Variants in CPZ observed in about 807,000 individuals in gnomAD.
CPZ encodes the protein carboxypeptidase Z.
CPZ carries 103 observed loss-of-function variants against 61.8 expected under a neutral mutation model. The ratio of observed to expected loss-of-function variants is 1.67; its 90% CI spans 1.42 to 1.96. The LOEUF is 1.96. Ranked by LOEUF, CPZ falls within the 30% of genes most tolerant of loss-of-function variation. The probability of loss-of-function intolerance (pLI) is 0.00; values close to 1 mark genes in which losing one functional copy is unlikely to be tolerated. For synonymous variants in CPZ, 551 were observed against 373.7 expected (o/e 1.47, Z -5.47); for missense variants, 1,461 against 914.9 (o/e 1.60, Z -7.70).
chr4:8,610,270 C>G (rs1013926163), intron 7 of CPZ, among the ~76,000 whole-genome samples: 8 of 152,218 alleles, frequency 5.3e-5, no homozygotes, highest in African/African-American at 1.7e-4. Context: ...GGACCGACAG[C>G]TCCTCTGATG....
At chr4:8,599,382 T>G in intron 1 of CPZ, 71 bp from the exon 2 acceptor site, 1 of 1,513,958 alleles carries the variant, frequency 6.6e-7, no homozygotes, top group Non-Finnish European at 8.9e-7. Context: ...CTCAGGGCCC[T>G]GGCCGTGTGT....
At chr4:8,599,257 C>A (rs746804234) in intron 1 of CPZ, among the ~76,000 whole-genome samples, 196 bp from the exon 2 acceptor site, 1 of 152,208 alleles carries the variant, frequency 6.6e-6, no homozygotes, top group Admixed American at 6.5e-5. Flanking sequence ...ACCTCTCAGA[C>A]GCAGCTTTCA....
chr4:8,612,513 C>T (rs142113534), intron 8 of CPZ, among the ~76,000 whole-genome samples: 218 of 152,256 alleles, frequency 1.4e-3, no homozygotes, highest in African/African-American at 5.0e-3. Context: ...TCCAGAGAGA[C>T]CGTGAGGAAT....
intron 8 of CPZ, 138 bp downstream of exon 8, chr4:8,612,300 G>C: frequency 1.4e-6 from 1 of 721,514 alleles, no homozygotes; most frequent in South Asian, 2.1e-5. Context: ...GCCTCACCTG[G>C]TGGAGAGGAG....
rs112947342 is a variant in CPZ at position 8,619,333 on chromosome 4, G to A, written c.1675G>A (p.Ala559Thr). Residue 559 changes from alanine (A) to threonine (T), a missense_variant, in exon 11 of 11, where the codon GCC (alanine) becomes ACC (threonine). By Grantham distance (58) the Ala-to-Thr change is moderately conservative. Transcript: ENST00000360986. ...HIVIAQAPGY[A>T]KVIKKVIIPA... Reference sequence around the variant, plus strand: ...TGTCATTGCCCAAGCCCCTGGCTACGCCAAAGTCATCAAGAAAGTCATCAT... The same window carrying A: ...TGTCATTGCCCAAGCCCCTGGCTACACCAAAGTCATCAAGAAAGTCATCAT... 781 of 1,614,082 alleles carry A rather than the reference G, an allele frequency of 4.8e-4. 1 individual carries two copies. Among genetic ancestry groups the A allele is most frequent in the Middle Eastern group, 2.1e-3 (13 of 6,062 alleles).
At chr4:8,609,417 C>T (rs1715453039) in intron 7 of CPZ, among the ~76,000 whole-genome samples, 1 of 146,376 alleles carries the variant, frequency 6.8e-6, no homozygotes, top group South Asian at 2.1e-4. Flanking sequence ...TCCCGCACTC[C>T]TTCCCTCACT....
Position 8,601,128 on chromosome 4 carries a change from T to A in CPZ, c.127T>A (p.Cys43Ser). The part of the protein sequence containing the change: ...HRPPAADSAT[C>S]VDLQLRTCSD... ...TGCCGACCCTGCCTCCCCAGCCACC[T>A]GCGTGGACCTGCAGCTCAGGACCTG... The change falls in exon 3 of 11, where the codon TGC (cysteine) becomes AGC (serine). Residue 43 changes from cysteine to serine, a missense_variant. Cys to Ser is a moderately radical substitution (Grantham distance 112, BLOSUM62 -1). Transcript: ENST00000360986. The A allele has an allele frequency of 6.4e-7, 1 of 1,567,796 alleles. No homozygotes were observed. Among genetic ancestry groups the A allele is most frequent in the Non-Finnish European group, 8.7e-7 (1 of 1,150,824 alleles).
Position 8,599,781 on chromosome 4 carries a change from G to T in CPZ, c.121+296G>T, listed in dbSNP as rs1031400905. 2.4e-5 allele frequency: 12 copies of T among 510,294 alleles called. No homozygotes were observed. The Admixed American group carries it at 4.9e-4, about 21-fold the overall frequency. The allele number at this position is 510,294 out of a possible 1,614,324, so 31.6% of individuals were successfully genotyped here. A position where few individuals can be genotyped will look rare whatever the true frequency, so the allele number is the denominator to read the frequency against. ...CACTGCAGTCACACGTCCTGCATTTGGGCCTTGTCCACATGCATTTCATGG... is the reference window on the plus strand; with the variant it reads ...CACTGCAGTCACACGTCCTGCATTTTGGCCTTGTCCACATGCATTTCATGG... On this transcript the variant is annotated intron_variant, in intron 2 of 10. Coordinates refer to ENST00000360986, the MANE Select transcript of CPZ (RefSeq NM_001014447.3).
At position 8,618,455 on chromosome 4, in the gene CPZ, G is replaced by A. The variant is rs1055608332; in HGVS notation, c.1530G>A (p.Val510=). The A allele has an allele frequency of 2.5e-6, 4 of 1,613,876 alleles. No homozygotes were observed. The highest frequency in any genetic ancestry group is 2.7e-5 in the African/African-American group (2 of 75,058). The change falls in exon 10 of 11, where the codon GTG becomes GTA. Residue 510 remains valine, a synonymous_variant. Transcript: ENST00000360986. Reference sequence around the variant, plus strand: ...TGCACCGGGGCATCAAAGGTGTGGTGACAGATAAATTCGGCAAGCCAGTCA... The same window carrying A: ...TGCACCGGGGCATCAAAGGTGTGGTAACAGATAAATTCGGCAAGCCAGTCA... ...ETVHRGIKGV[V]TDKFGKPVKN...
At chr4:8,599,541 A>T in intron 2 of CPZ, 56 bp downstream of exon 2, 1 of 1,606,012 alleles carries the variant, frequency 6.2e-7, no homozygotes, top group Non-Finnish European at 8.5e-7. Context: ...CAGCCCCCAC[A>T]CTGTCAGAGC....
intron 7 of CPZ, among the ~76,000 whole-genome samples, chr4:8,609,038 C>T (rs1715299802): frequency 1.4e-5 from 2 of 143,630 alleles, no homozygotes; most frequent in Admixed American, 1.4e-4. Flanking sequence ...TTCACTCACC[C>T]ATTCACTCCC....
chr4:8,612,320 A>G (rs1471097945), intron 8 of CPZ, among the ~76,000 whole-genome samples, 158 bp downstream of exon 8: 4 of 151,274 alleles, frequency 2.6e-5, no homozygotes, highest in African/African-American at 7.3e-5. Flanking sequence ...GGCTGGCGTG[A>G]GTTTTGTTTC....
At chr4:8,601,049 C>T in intron 2 of CPZ, 74 bp from the exon 3 acceptor site, 1 of 1,493,530 alleles carries the variant, frequency 6.7e-7, no homozygotes, top group Non-Finnish European at 8.9e-7. Context: ...CGTGGGGTCC[C>T]CTACGTAAAT....
At chr4:8,606,691 T>G (rs757535318) in intron 5 of CPZ, 46 bp from the exon 6 acceptor site, 2 of 1,610,580 alleles carry the variant, frequency 1.2e-6, no homozygotes, top group Non-Finnish European at 8.5e-7. Flanking sequence ...AGGAGGAGGG[T>G]GGGGTGTGCT....
chr4:8,617,454 G>T (rs1480823049), intron 9 of CPZ, among the ~76,000 whole-genome samples: 8 of 152,210 alleles, frequency 5.3e-5, no homozygotes. Flanking sequence ...CTTTGCTTCT[G>T]TGGACTCCTC....
rs371225755 is a variant in CPZ at position 8,606,817 on chromosome 4, G to A, written c.987G>A (p.Thr329=). Residue 329 remains threonine, a synonymous_variant, in exon 6 of 11, where the codon ACG becomes ACA. Coordinates refer to ENST00000360986, the MANE Select transcript of CPZ (RefSeq NM_001014447.3). ...TGAACCGAAATTTCCCGGACCTGAC[G>A]TCCGAGTACTACCGGCTGGCGGAGA... The part of the protein sequence containing the change: ...LDLNRNFPDL[T]SEYYRLAETR... 4.1e-5 allele frequency: 66 copies of A among 1,614,098 alleles called. No individual in the cohort carries two copies. In the Admixed American group the frequency reaches 5.2e-4, roughly 13 times the overall value.
intron 7 of CPZ, among the ~76,000 whole-genome samples, chr4:8,608,444 C>A (rs986011870): frequency 5.9e-5 from 9 of 152,212 alleles, no homozygotes; most frequent in African/African-American, 2.2e-4. Context: ...GCCACCCGGC[C>A]GAGCACATAG....
At chr4:8,606,412 A>G (rs920852288) in intron 5 of CPZ, among the ~76,000 whole-genome samples, 21 of 152,060 alleles carry the variant, frequency 1.4e-4, no homozygotes, top group Non-Finnish European at 2.9e-5. Flanking sequence ...GAGGAAAATG[A>G]TGGAAAGGGA....
chr4:8,605,931 T>A, intron 4 of CPZ, 58 bp from the exon 5 acceptor site: 24 of 1,554,248 alleles, frequency 1.5e-5, no homozygotes, highest in Non-Finnish European at 2.0e-5. Context: ...GGGGGCCTCA[T>A]GCCTTTGGGG....
Sources: allele counts gnomAD v4.1 joint callset (sites outside exome capture counted in the v4.1 genomes callset), GRCh38; gene constraint gnomAD v4.1.1; transcripts MANE v1.5; gene names NCBI Gene and HGNC (gene_info 2026-07-23, HGNC 2026-07-21).